CSNK1G1: variants seen among roughly 807,000 people sequenced by gnomAD.
CSNK1G1 encodes the protein casein kinase I isoform gamma-1.
A neutral mutation model predicts 59.6 loss-of-function variants in CSNK1G1; 22 were observed. The ratio of observed to expected loss-of-function variants is 0.37; its 90% CI spans 0.26 to 0.53. The LOEUF is 0.53. Ranked by LOEUF, CSNK1G1 falls within the 20% of genes least tolerant of loss-of-function variation. The pLI, the probability that CSNK1G1 is intolerant of heterozygous loss-of-function variation, is 0.89. For missense variants in CSNK1G1, 384 were observed against 519.5 expected, an observed-to-expected ratio of 0.74 and a Z score of 2.54; for synonymous variants, 179 against 177.1, an observed-to-expected ratio of 1.01 and a Z score of -0.08.
intron 6 of CSNK1G1, among the ~76,000 whole-genome samples, chr15:64,212,727 T>C (rs2082263685): frequency 6.6e-6 from 1 of 150,998 alleles, no homozygotes; most frequent in Non-Finnish European, 1.5e-5. Context: ...ATAAATATGC[T>C]GGGCACGGTG....
At chr15:64,249,312 G>A (rs1023130990) in intron 4 of CSNK1G1, among the ~76,000 whole-genome samples, 1 of 152,102 alleles carries the variant, frequency 6.6e-6, no homozygotes, top group Non-Finnish European at 1.5e-5. Flanking sequence ...AGCGGGTAGG[G>A]GTAGCAAGGG....
chr15:64,300,941 AAC>A (rs1407917852), intron 1 of CSNK1G1, among the ~76,000 whole-genome samples: 2 of 152,204 alleles, frequency 1.3e-5, no homozygotes, highest in Non-Finnish European at 2.9e-5. Flanking sequence ...AAGCTACAGA[AAC>A]ACACAAGCCT....
chr15:64,321,801 C>T (rs1896579469), intron 1 of CSNK1G1, among the ~76,000 whole-genome samples: 3 of 152,202 alleles, frequency 2.0e-5, no homozygotes, highest in South Asian at 2.1e-4. Context: ...TAAATTTTCC[C>T]TGAGTAAGAC....
chr15:64,338,614 C>T (rs182970063), intron 1 of CSNK1G1, among the ~76,000 whole-genome samples: 151 of 138,242 alleles, frequency 1.1e-3, no homozygotes, highest in African/African-American at 3.7e-3. Context: ...GCAGGAGAAT[C>T]GCTTGAACCT....
At chr15:64,274,287 T>C (rs1355594891) in intron 2 of CSNK1G1, among the ~76,000 whole-genome samples, 1 of 152,164 alleles carries the variant, frequency 6.6e-6, no homozygotes, top group African/African-American at 2.4e-5. Flanking sequence ...GTTTCAGAAA[T>C]TTAGACAATC....
At chr15:64,257,593 C>T (rs951828561) in intron 3 of CSNK1G1, among the ~76,000 whole-genome samples, 5 of 152,138 alleles carry the variant, frequency 3.3e-5, no homozygotes, top group Admixed American at 6.5e-5. Flanking sequence ...GCAATCTCAG[C>T]TCACTGCAGT....
rs983675980 is a variant in CSNK1G1 at position 64,214,764 on chromosome 15, G to A, written c.445-640C>T. 1.3e-5 allele frequency among the ~76,000 whole-genome samples: 2 copies of A among 151,886 alleles called. No homozygotes were observed. The highest frequency in any genetic ancestry group is 2.9e-5 in the Non-Finnish European group (2 of 67,966). Reference sequence around the variant, plus strand: ...AGCAATTCTCGTGCCTCAGCCTCCCGGGTAGCTGGGATTACATGCACATGC... The same window carrying A: ...AGCAATTCTCGTGCCTCAGCCTCCCAGGTAGCTGGGATTACATGCACATGC... On this transcript the variant is annotated intron_variant, in intron 5 of 11. Coordinates refer to ENST00000303052, the MANE Select transcript of CSNK1G1 (RefSeq NM_022048.5). The surrounding 1 kb of genome is among the most constrained non-coding windows in gnomAD (Gnocchi z 4.3).
chr15:64,282,298 A>C (rs1434067799), intron 2 of CSNK1G1, among the ~76,000 whole-genome samples: 3 of 152,042 alleles, frequency 2.0e-5, no homozygotes. Context: ...ACAGGGTCTC[A>C]GTTGGTTGCC....
Position 64,169,042 on chromosome 15 carries a change from C to A in CSNK1G1, c.*2889G>T, listed in dbSNP as rs774060101. On this transcript the variant is annotated 3_prime_UTR_variant, in exon 12 of 12. Coordinates refer to ENST00000303052, the MANE Select transcript of CSNK1G1 (RefSeq NM_022048.5). ...GGAAGTACAGTCCCCTACAACTGATCCAGTAAAAATTTTAAGACAAAAAAA... is the reference window on the plus strand; with the variant it reads ...GGAAGTACAGTCCCCTACAACTGATACAGTAAAAATTTTAAGACAAAAAAA... The A allele has an allele frequency of 3.9e-5, 6 of 152,422 alleles. No individual in the cohort carries two copies. Among genetic ancestry groups the A allele is most frequent in the Non-Finnish European group, 7.4e-5 (5 of 67,990 alleles). 9.4% of individuals were successfully genotyped at this position (152,422 alleles called of 1,614,324 possible). A position where few individuals can be genotyped will look rare whatever the true frequency, so the allele number is the denominator to read the frequency against.
chr15:64,329,092 A>G (rs1896990967), intron 1 of CSNK1G1, among the ~76,000 whole-genome samples: 3 of 151,110 alleles, frequency 2.0e-5, no homozygotes, highest in Admixed American at 2.0e-4. Flanking sequence ...TTAACACCCT[A>G]CTGTCAACAT....
At chr15:64,334,331 C>G (rs1897264751) in intron 1 of CSNK1G1, among the ~76,000 whole-genome samples, 1 of 151,988 alleles carries the variant, frequency 6.6e-6, no homozygotes, top group African/African-American at 2.4e-5. Context: ...AATCTTTTAT[C>G]TCAGCAGTCC....
intron 4 of CSNK1G1, among the ~76,000 whole-genome samples, chr15:64,225,201 G>A (rs758346942): frequency 6.6e-6 from 1 of 151,864 alleles, no homozygotes; most frequent in Non-Finnish European, 1.5e-5. Context: ...TAGAGCTGGG[G>A]TTTCACCATG....
intron 4 of CSNK1G1, among the ~76,000 whole-genome samples, chr15:64,238,494 TAAAAAAAAAAA>T (rs1169739046): frequency 3.5e-5 from 2 of 56,436 alleles, no homozygotes; most frequent in East Asian, 8.2e-4. Context: ...CCCTGTCCCT[TAAAAAAAAAAA>T]AAAAAAAAAA....
intron 4 of CSNK1G1, 75 bp downstream of exon 4, chr15:64,251,437 C>CA (rs1179132314): frequency 3.6e-6 from 4 of 1,107,328 alleles, no homozygotes; most frequent in Admixed American, 4.4e-5. Flanking sequence ...GCAAACCAGA[C>CA]AAAAAAATTT....
At position 64,171,831 on chromosome 15, in the gene CSNK1G1, C is replaced by T. The variant is rs1488636162; in HGVS notation, c.*100G>A. On this transcript the variant is annotated 3_prime_UTR_variant, in exon 12 of 12. Transcript: ENST00000303052. This position sits in a 1 kb window ranked among gnomAD's most constrained non-coding sequence, Gnocchi z 4.8. Reference sequence around the variant, plus strand: ...TCTTCTTTTTGGTTTGGATATCCACCCTCCCCCAAAGAGGAGTCCCTTCCA... The same window carrying T: ...TCTTCTTTTTGGTTTGGATATCCACTCTCCCCCAAAGAGGAGTCCCTTCCA... 1 of 1,060,628 alleles carries T rather than the reference C, an allele frequency of 9.4e-7. No homozygotes were observed. The highest frequency in any genetic ancestry group is 1.5e-6 in the Non-Finnish European group (1 of 681,728). 65.7% of individuals were successfully genotyped at this position (1,060,628 alleles called of 1,614,324 possible).
intron 10 of CSNK1G1, chr15:64,181,287 C>G: frequency 2.0e-6 from 3 of 1,536,076 alleles, no homozygotes; most frequent in Non-Finnish European, 2.6e-6. Flanking sequence ...TTAATGTGGA[C>G]CCAATCAGGC....
chr15:64,185,676 T>C (rs1227099467), intron 10 of CSNK1G1, among the ~76,000 whole-genome samples: 2 of 151,986 alleles, frequency 1.3e-5, no homozygotes, highest in African/African-American at 4.8e-5. Context: ...CCAGCCTGGA[T>C]GACATGGCAA....
chr15:64,202,973 G>C, intron 10 of CSNK1G1, 109 bp downstream of exon 10: 1 of 809,668 alleles, frequency 1.2e-6, no homozygotes, highest in Non-Finnish European at 2.1e-6. Flanking sequence ...GCAAGCATTT[G>C]ATCTTTATTT....
intron 6 of CSNK1G1, among the ~76,000 whole-genome samples, chr15:64,212,633 C>G (rs1262751240): frequency 6.6e-6 from 1 of 152,178 alleles, no homozygotes; most frequent in Non-Finnish European, 1.5e-5. Flanking sequence ...CTCTCCAGCT[C>G]AGGTGACTGA....
Sources: allele counts gnomAD v4.1 joint callset (sites outside exome capture counted in the v4.1 genomes callset), GRCh38; gene constraint gnomAD v4.1.1; non-coding constraint Gnocchi (gnomAD v3.1); transcripts MANE v1.5; gene names NCBI Gene and HGNC (gene_info 2026-07-23, HGNC 2026-07-21).